KMT2E: variants seen among roughly 807,000 people sequenced by gnomAD.
KMT2E encodes the protein histone reader KMT2E.
In KMT2E, 30 loss-of-function variants were observed where a neutral mutation model predicts 184.6. The observed-to-expected ratio is 0.16, with a 90% confidence interval of 0.12 to 0.22. The LOEUF (loss-of-function observed/expected upper bound fraction) is 0.22. Among genes scored for constraint, KMT2E ranks in the 10% least tolerant of loss-of-function variants. The pLI, the probability that KMT2E is intolerant of heterozygous loss-of-function variation, is 1.00. For missense variants in KMT2E, 2,023 were observed against 2,237.4 expected (o/e 0.90, Z 1.93); for synonymous variants, 815 against 776.5 (o/e 1.05, Z -0.82).
chr7:105,089,881 T>C, intron 13 of KMT2E, 128 bp from the exon 14 acceptor site: 2 of 1,351,194 alleles, frequency 1.5e-6, no homozygotes, highest in Non-Finnish European at 2.0e-6. Context: ...TGTAAATTAC[T>C]AAAAAGGATT....
chr7:105,054,490 ATCTATCTATC>A (rs1473032056), intron 3 of KMT2E, among the ~76,000 whole-genome samples: 1 of 150,572 alleles, frequency 6.6e-6, no homozygotes, highest in Non-Finnish European at 1.5e-5. Context: ...CTATCTATCT[ATCTATCTATC>A]TATCTATCTA....
At chr7:105,057,904 A>G (rs909535329) in intron 3 of KMT2E, among the ~76,000 whole-genome samples, 6 of 152,220 alleles carry the variant, frequency 3.9e-5, no homozygotes, top group Non-Finnish European at 5.9e-5. Flanking sequence ...TTCATCTTCA[A>G]ATTTTCTCAC....
At chr7:105,072,265 C>T (rs1445813687) in intron 6 of KMT2E, among the ~76,000 whole-genome samples, 1 of 152,082 alleles carries the variant, frequency 6.6e-6, no homozygotes, top group Non-Finnish European at 1.5e-5. Context: ...TTGCAGTGAG[C>T]CAAGGTCGCA....
intron 1 of KMT2E, among the ~76,000 whole-genome samples, chr7:105,032,546 C>T (rs149398470): frequency 4.5e-4 from 68 of 152,320 alleles, no homozygotes; most frequent in Middle Eastern, 3.4e-3. Context: ...CTGTTCCCCA[C>T]GCTGGAGTAC....
At chr7:105,021,851 T>C (rs1017315971) in intron 1 of KMT2E, among the ~76,000 whole-genome samples, 1 of 150,970 alleles carries the variant, frequency 6.6e-6, no homozygotes, top group African/African-American at 2.5e-5. Context: ...CACACACACA[T>C]GATGAGGAAT....
intron 1 of KMT2E, among the ~76,000 whole-genome samples, chr7:105,030,840 G>T (rs972108080): frequency 1.1e-4 from 16 of 152,204 alleles, no homozygotes; most frequent in Non-Finnish European, 2.9e-5. Flanking sequence ...ACTTAGGGAA[G>T]TATTCATTGC....
At chr7:105,078,632 A>G (rs1261166510) in intron 11 of KMT2E, among the ~76,000 whole-genome samples, 2 of 144,210 alleles carry the variant, frequency 1.4e-5, no homozygotes, top group African/African-American at 5.2e-5. Flanking sequence ...AGCTGGGACT[A>G]CAGGCACATG....
chr7:105,065,183 G>A (rs1193153505), intron 5 of KMT2E, among the ~76,000 whole-genome samples: 1 of 151,960 alleles, frequency 6.6e-6, no homozygotes, highest in Admixed American at 6.6e-5. Context: ...CTTTACGTTG[G>A]CTCATTATTT....
intron 1 of KMT2E, among the ~76,000 whole-genome samples, chr7:105,027,155 C>T (rs977758644): frequency 2.1e-5 from 3 of 145,806 alleles, no homozygotes; most frequent in Non-Finnish European, 3.0e-5. Context: ...GATTATGGCT[C>T]GCTACAGCCT....
At chr7:105,059,978 GTTTTTTTTTTTTTTTTTTTTT>G (rs67291226) in intron 3 of KMT2E, among the ~76,000 whole-genome samples, 9 of 51,796 alleles carry the variant, frequency 1.7e-4, no homozygotes, top group Admixed American at 1.6e-3. Flanking sequence ...TCTTGTTGTT[GTTTTTTTTTTTTTTTTTTTTT>G]TTTTTTTTTT....
At chr7:105,071,552 G>GTGTATGTA (rs1176824442) in intron 6 of KMT2E, among the ~76,000 whole-genome samples, 2 of 127,388 alleles carry the variant, frequency 1.6e-5, no homozygotes, top group African/African-American at 5.9e-5. Flanking sequence ...GTATGTGTGT[G>GTGTATGTA]TGTATGTATG....
intron 3 of KMT2E, among the ~76,000 whole-genome samples, chr7:105,061,252 A>G (rs1023524518): frequency 2.0e-5 from 3 of 152,176 alleles, no homozygotes; most frequent in African/African-American, 7.2e-5. Context: ...TCCTTAAACT[A>G]AATAATAGTG....
intron 14 of KMT2E, 92 bp downstream of exon 14, chr7:105,090,365 A>C: frequency 7.2e-7 from 1 of 1,389,526 alleles, no homozygotes; most frequent in Non-Finnish European, 9.7e-7. Context: ...ATAATTGTTT[A>C]AAGTATTTTT....
At chr7:105,103,770 G>GTGTGTGTA (rs1554399851) in intron 17 of KMT2E, 3 of 147,814 alleles carry the variant, frequency 2.0e-5, no homozygotes, top group Non-Finnish European at 4.5e-5. Flanking sequence ...GTGTGTGTGT[G>GTGTGTGTA]TATATATATA....
chr7:105,061,925 G>A, intron 3 of KMT2E: 1 of 336,960 alleles, frequency 3.0e-6, no homozygotes, highest in Non-Finnish European at 5.3e-6. Context: ...TTTTTAATGA[G>A]AGAGAGGGAA....
intron 6 of KMT2E, among the ~76,000 whole-genome samples, chr7:105,069,164 A>G (rs913884633): frequency 6.6e-6 from 1 of 152,204 alleles, no homozygotes; most frequent in African/African-American, 2.4e-5. Context: ...GCCCTTTCCT[A>G]CTAGATTGGT....
At chr7:105,041,881 A>G in intron 3 of KMT2E, among the ~76,000 whole-genome samples, 1 of 152,004 alleles carries the variant, frequency 6.6e-6, no homozygotes, top group East Asian at 1.9e-4. Context: ...TGCTGCTTTT[A>G]AAGTGAGTGT....
intron 1 of KMT2E, among the ~76,000 whole-genome samples, chr7:105,014,799 A>T (rs1168064676): frequency 6.7e-6 from 1 of 149,194 alleles, no homozygotes; most frequent in Non-Finnish European, 1.5e-5. Flanking sequence ...AGAGTGGGGG[A>T]GTTAGGGAGG....
chr7:105,044,411 A>G (rs1376653594), intron 3 of KMT2E, among the ~76,000 whole-genome samples: 2 of 152,210 alleles, frequency 1.3e-5, no homozygotes, highest in African/African-American at 4.8e-5. Context: ...TGCTATTATA[A>G]TACCATGTTG....
Sources: gnomAD v4.1 joint callset for allele counts (sites outside exome capture counted in the v4.1 genomes callset) on GRCh38, gnomAD v4.1.1 for gene constraint, MANE v1.5 for transcripts, NCBI Gene and HGNC (gene_info 2026-07-23, HGNC 2026-07-21) for gene names.